RAD52: variants seen among roughly 807,000 people sequenced by gnomAD.
RAD52 encodes DNA repair protein RAD52 homolog.
In RAD52, 47 loss-of-function variants were observed where a neutral mutation model predicts 55.5. That is an observed-to-expected ratio of 0.85 (90% CI 0.67 to 1.08). The LOEUF (loss-of-function observed/expected upper bound fraction) is 1.08. Ranked by LOEUF, RAD52 falls within the 50% of genes least tolerant of loss-of-function variation. The probability of loss-of-function intolerance (pLI) is 0.00; values close to 1 mark genes in which losing one functional copy is unlikely to be tolerated. For synonymous variants in RAD52, 184 were observed against 198.9 expected, an observed-to-expected ratio of 0.92 and a Z score of 0.63; for missense variants, 468 against 522.8, an observed-to-expected ratio of 0.90 and a Z score of 1.02.
chr12:920,196 G>A (rs11064591), intron 7 of RAD52, among the ~76,000 whole-genome samples: 70,969 of 100,658 alleles, frequency 0.71, 30,140 homozygotes, highest in Admixed American at 0.76. Context: ...TAGCCTGGGC[G>A]GCAGAGCAAG....
In RAD52 at chr12:932,988, A is replaced by G; in HGVS notation, c.71T>C (p.Leu24Ser). 1.9e-6 allele frequency: 3 copies of G among 1,614,102 alleles called. No homozygotes were observed. The highest frequency in any genetic ancestry group is 2.5e-6 in the Non-Finnish European group (3 of 1,180,018). The change falls in exon 2 of 12, where the codon TTA (leucine) becomes TCA (serine). Residue 24 changes from leucine to serine, a missense_variant. Transcript: ENST00000358495. ...AACCACAGTTACCTGTCCAAAGCAT[A>G]ACACTGAGCCGCCGCCAGCAGCAGG... is the stretch of plus-strand genomic sequence containing the variant. The part of the protein sequence containing the change: ...SHPAAGGGSV[L>S]CFGQCQYTAE...
chr12:980,137 C>T (rs1958992185), intron 1 of RAD52, among the ~76,000 whole-genome samples: 1 of 151,776 alleles, frequency 6.6e-6, no homozygotes, highest in Non-Finnish European at 1.5e-5. Flanking sequence ...TTGCAGTGAG[C>T]TGAGATTGTG....
At chr12:924,485 T>A (rs182452723) in intron 7 of RAD52, among the ~76,000 whole-genome samples, 1 of 152,302 alleles carries the variant, frequency 6.6e-6, no homozygotes, top group Non-Finnish European at 1.5e-5. Context: ...AAGGAGTTTT[T>A]ACAGATGCCC....
At chr12:973,226 C>T (rs1226630922) in intron 1 of RAD52, among the ~76,000 whole-genome samples, 10 of 151,224 alleles carry the variant, frequency 6.6e-5, no homozygotes. Flanking sequence ...CCCGCCACCA[C>T]ACCCGGCTAA....
At chr12:947,503 G>A (rs1168594037) in intron 1 of RAD52, among the ~76,000 whole-genome samples, 1 of 147,958 alleles carries the variant, frequency 6.8e-6, no homozygotes, top group Non-Finnish European at 1.5e-5. Context: ...CCAAAAATTA[G>A]CCTGGCATAG....
intron 1 of RAD52, among the ~76,000 whole-genome samples, chr12:963,283 ATTCATTCG>A (rs1420818647): frequency 6.6e-6 from 1 of 152,222 alleles, no homozygotes; most frequent in African/African-American, 2.4e-5. Flanking sequence ...AATACCTCTC[ATTCATTCG>A]TTCATTCATC....
intron 1 of RAD52, among the ~76,000 whole-genome samples, chr12:959,903 T>A (rs1480099879): frequency 6.6e-6 from 1 of 152,192 alleles, no homozygotes; most frequent in East Asian, 1.9e-4. Flanking sequence ...CCTGAAGCTG[T>A]TTCAGCCTGA....
At chr12:971,714 T>C (rs1014341767) in intron 1 of RAD52, among the ~76,000 whole-genome samples, 2 of 152,252 alleles carry the variant, frequency 1.3e-5, no homozygotes, top group African/African-American at 4.8e-5. Context: ...ACTCGTATGA[T>C]ACTCTCCACA....
rs778617696 is a variant in RAD52 at position 947,937 on chromosome 12, G to C, written c.-19+1665C>G. On this transcript the variant is annotated intron_variant, in intron 1 of 11. Coordinates refer to ENST00000358495, the MANE Select transcript of RAD52 (RefSeq NM_134424.4). ...AACTGCCCTAAACGATACCAGACCT[G>C]AGGCCACTGAATTACCTGACCCAAC... Among the ~76,000 whole-genome samples the C allele has an allele frequency of 2.1e-4, 24 of 112,616 alleles. 1 individual carries two copies. The highest frequency in any genetic ancestry group is 3.6e-4 in the Non-Finnish European group (19 of 52,524). The allele number at this position is 112,616 out of a possible 152,430, so 73.9% of individuals were successfully genotyped here.
At chr12:959,812 T>G (rs189736276) in intron 1 of RAD52, among the ~76,000 whole-genome samples, 1 of 151,780 alleles carries the variant, frequency 6.6e-6, no homozygotes, top group Non-Finnish European at 1.5e-5. Context: ...CTAGTTAGGG[T>G]TGGTTGCTGG....
chr12:921,661 G>A (rs760169515), intron 7 of RAD52, among the ~76,000 whole-genome samples: 7 of 152,158 alleles, frequency 4.6e-5, no homozygotes, highest in Non-Finnish European at 1.0e-4. Flanking sequence ...CTGCATTCCA[G>A]CCTGGGTGAC....
At chr12:987,180 A>C (rs922990508) in intron 1 of RAD52, among the ~76,000 whole-genome samples, 1 of 151,960 alleles carries the variant, frequency 6.6e-6, no homozygotes, top group African/African-American at 2.4e-5. Context: ...CATGTTGGCC[A>C]GGCTGGTCTC....
intron 1 of RAD52, among the ~76,000 whole-genome samples, chr12:962,837 T>C (rs1958706421): frequency 6.6e-6 from 1 of 152,190 alleles, no homozygotes; most frequent in African/African-American, 2.4e-5. Context: ...CTCAGCCTCC[T>C]GAGTAGCTGG....
Position 916,385 on chromosome 12 carries a change from T to C in RAD52, c.824A>G (p.Gln275Arg). 7 of 1,608,874 alleles carry C rather than the reference T, an allele frequency of 4.4e-6. No homozygotes were observed. The highest frequency in any genetic ancestry group is 5.9e-6 in the Non-Finnish European group (7 of 1,179,832). Residue 275 changes from glutamine (Q) to arginine (R), a missense_variant, in exon 9 of 12, where the codon CAG becomes CGG. Gln to Arg is a conservative substitution (Grantham distance 43). Transcript: ENST00000358495. ...TGACGGCGTGGAGACTCGAACCTGC[T>C]GCTTCTCCATCCGCTCCCGGAACTG... is the stretch of plus-strand genomic sequence containing the variant. ...QQQFRERMEK[Q>R]QVRVSTPSAE... is the part of the protein sequence containing the mutation.
chr12:958,338 C>T (rs1958638166), intron 1 of RAD52, among the ~76,000 whole-genome samples: 1 of 152,204 alleles, frequency 6.6e-6, no homozygotes, highest in African/African-American at 2.4e-5. Flanking sequence ...GCCTCAGCCT[C>T]CCAAGTAGCT....
intron 1 of RAD52, among the ~76,000 whole-genome samples, chr12:956,696 G>A (rs1402362810): frequency 1.3e-5 from 2 of 152,032 alleles, no homozygotes; most frequent in South Asian, 2.1e-4. Context: ...ATAGGCACCC[G>A]CCACCACACC....
chr12:926,755 C>T (rs945777126), intron 6 of RAD52: 13 of 1,507,074 alleles, frequency 8.6e-6, no homozygotes, highest in East Asian at 4.9e-5. Context: ...TGGACTAACA[C>T]GGACATCTGC....
chr12:915,880 A>G (rs928918381), intron 9 of RAD52, among the ~76,000 whole-genome samples: 1 of 152,044 alleles, frequency 6.6e-6, no homozygotes, highest in Non-Finnish European at 1.5e-5. Context: ...ACACCTGGCT[A>G]ATTTTTATGT....
At chr12:976,896 G>T (rs7313813) in intron 1 of RAD52, 116,756 of 152,028 alleles carry the variant, frequency 0.77, 46,761 homozygotes, top group East Asian at 0.98. Flanking sequence ...TATCTGACAT[G>T]TCTACTCGCA....
Sources: allele counts gnomAD v4.1 joint callset (sites outside exome capture counted in the v4.1 genomes callset), GRCh38; gene constraint gnomAD v4.1.1; transcripts MANE v1.5; gene names NCBI Gene and HGNC (gene_info 2026-07-23, HGNC 2026-07-21).